HERPUD2: variants seen among roughly 807,000 people sequenced by gnomAD.
HERPUD2 encodes HERPUD family member 2.
HERPUD2 carries 13 observed loss-of-function variants against 49.9 expected under a neutral mutation model. That is an observed-to-expected ratio of 0.26 (90% CI 0.17 to 0.41). The LOEUF is 0.41. Among genes scored for constraint, HERPUD2 ranks in the 10% least tolerant of loss-of-function variants. The pLI is 1.00. For synonymous variants in HERPUD2, 172 were observed against 171.4 expected (o/e 1.00, Z -0.03); for missense variants, 449 against 492.2 (o/e 0.91, Z 0.83).
chr7:35,686,911 C>A (rs530133909), intron 2 of HERPUD2, among the ~76,000 whole-genome samples: 26 of 137,012 alleles, frequency 1.9e-4, no homozygotes, highest in Non-Finnish European at 6.1e-5. Flanking sequence ...ACTGAAAATA[C>A]AGAAAAATTA....
chr7:35,638,635 T>C (rs1784913422), intron 5 of HERPUD2, among the ~76,000 whole-genome samples, 163 bp from the exon 6 acceptor site: 1 of 152,188 alleles, frequency 6.6e-6, no homozygotes, highest in African/African-American at 2.4e-5. Context: ...AGACAATATG[T>C]CTTACATAAG....
chr7:35,686,682 G>A (rs1431822896), intron 2 of HERPUD2, among the ~76,000 whole-genome samples: 1 of 89,358 alleles, frequency 1.1e-5, no homozygotes, highest in African/African-American at 4.4e-5. Context: ...TCCCGCCACT[G>A]CACTCCAGCC....
At chr7:35,653,268 AG>A (rs1785203729) in intron 5 of HERPUD2, among the ~76,000 whole-genome samples, 1 of 152,256 alleles carries the variant, frequency 6.6e-6, no homozygotes, top group South Asian at 2.1e-4. Context: ...AAAGCAAACA[AG>A]AACATCTATC....
At chr7:35,674,917 A>G (rs1482749881) in intron 2 of HERPUD2, among the ~76,000 whole-genome samples, 2 of 152,126 alleles carry the variant, frequency 1.3e-5, no homozygotes, top group Non-Finnish European at 2.9e-5. Flanking sequence ...TATCCTTTGT[A>G]ATAATATCCT....
At chr7:35,647,019 T>C (rs1785066352) in intron 5 of HERPUD2, among the ~76,000 whole-genome samples, 2 of 152,060 alleles carry the variant, frequency 1.3e-5, no homozygotes, top group African/African-American at 4.8e-5. Flanking sequence ...CACAATTATA[T>C]ACTTGAAAGC....
chr7:35,651,111 C>A (rs1785157237), intron 5 of HERPUD2, among the ~76,000 whole-genome samples: 1 of 152,210 alleles, frequency 6.6e-6, no homozygotes, highest in Non-Finnish European at 1.5e-5. Context: ...TTGCAGTCAT[C>A]ACCAACACCA....
In HERPUD2 at chr7:35,694,509, G is replaced by A. The variant is rs1232098568; in HGVS notation, c.-179C>T. On this transcript the variant is annotated 5_prime_UTR_variant, in exon 2 of 9. Transcript: ENST00000311350. Reference sequence around the variant, plus strand: ...CCATTGCCGGTACCAAGGATGGACTGAGGTGGTGGCGACTGCGACGGTGGG... The same window carrying A: ...CCATTGCCGGTACCAAGGATGGACTAAGGTGGTGGCGACTGCGACGGTGGG... 11 of 648,128 alleles carry A rather than the reference G, an allele frequency of 1.7e-5. No homozygotes were observed. The highest frequency in any genetic ancestry group is 8.5e-5 in the Admixed American group (3 of 35,110). 40.1% of individuals were successfully genotyped at this position (648,128 alleles called of 1,614,324 possible).
intron 5 of HERPUD2, among the ~76,000 whole-genome samples, chr7:35,658,142 C>T (rs1208466982): frequency 2.0e-5 from 3 of 152,098 alleles, no homozygotes; most frequent in Admixed American, 6.5e-5. Flanking sequence ...AACACTATTT[C>T]ACCGTAAAAG....
chr7:35,639,673 T>G (rs984552857), intron 5 of HERPUD2, among the ~76,000 whole-genome samples: 1 of 152,130 alleles, frequency 6.6e-6, no homozygotes, highest in African/African-American at 2.4e-5. Flanking sequence ...CTATCCAGAG[T>G]GAGACAAGAA....
In HERPUD2 at chr7:35,633,662, C is replaced by G; in HGVS notation, c.*28G>C. On this transcript the variant is annotated 3_prime_UTR_variant, in exon 9 of 9. Coordinates refer to ENST00000311350, the MANE Select transcript of HERPUD2 (RefSeq NM_022373.5). ...TAAACCACTTTCCTGAAGTCAGACC[C>G]TCCTTGTAGCTGGCACAGTTTTTCA... is the stretch of plus-strand genomic sequence containing the variant. The G allele has an allele frequency of 6.2e-7, 1 of 1,601,182 alleles. No individual in the cohort carries two copies. The highest frequency in any genetic ancestry group is 1.1e-5 in the South Asian group (1 of 89,002).
chr7:35,679,378 C>A (rs1293581804), intron 2 of HERPUD2, among the ~76,000 whole-genome samples: 1 of 152,144 alleles, frequency 6.6e-6, no homozygotes, highest in African/African-American at 2.4e-5. Flanking sequence ...AATCCCTTAT[C>A]TCCAAGTCCT....
At position 35,694,485 on chromosome 7, in the gene HERPUD2, C is replaced by T; in HGVS notation, c.-155G>A. 2 of 736,112 alleles carry T rather than the reference C, an allele frequency of 2.7e-6. No individual in the cohort carries two copies. The highest frequency in any genetic ancestry group is 4.5e-6 in the Non-Finnish European group (2 of 449,240). 45.6% of individuals were successfully genotyped at this position (736,112 alleles called of 1,614,324 possible). On this transcript the variant is annotated 5_prime_UTR_variant, in exon 2 of 9. It removes an upstream start codon present in the reference 5' UTR. Transcript: ENST00000311350. Reference sequence around the variant, plus strand: ...CAAGTGCACTGGAGGATACGAAGCCCATTGCCGGTACCAAGGATGGACTGA... The same window carrying T: ...CAAGTGCACTGGAGGATACGAAGCCTATTGCCGGTACCAAGGATGGACTGA...
intron 5 of HERPUD2, among the ~76,000 whole-genome samples, chr7:35,665,632 T>G (rs965148614): frequency 9.2e-5 from 14 of 152,210 alleles, no homozygotes; most frequent in African/African-American, 3.4e-4. Context: ...CCCAGTGAGA[T>G]GAACCTGGTA....
intron 5 of HERPUD2, among the ~76,000 whole-genome samples, chr7:35,647,316 C>A (rs1340951106): frequency 6.6e-6 from 1 of 152,130 alleles, no homozygotes; most frequent in African/African-American, 2.4e-5. Context: ...CTCCTCCAAG[C>A]AGAGATAGTC....
chr7:35,694,186 G>T lies in HERPUD2; in HGVS notation c.145C>A (p.Pro49Thr). ...GCCCCCAGCTTTTACACACTTACTG[G>T]TTTGCTAGGGTAAACGTTAGATAGA... ...THLSNVYPSK[P>T]LTKDQRLVYS... Residue 49 changes from proline (P) to threonine (T), a missense_variant and splice_region_variant, in exon 2 of 9, where the codon CCA becomes ACA. Pro to Thr is a conservative substitution (Grantham distance 38). Coordinates refer to ENST00000311350, the MANE Select transcript of HERPUD2 (RefSeq NM_022373.5). The T allele has an allele frequency of 6.2e-7, 1 of 1,614,114 alleles. No individual in the cohort carries two copies. The highest frequency in any genetic ancestry group is 1.6e-4 in the Middle Eastern group (1 of 6,062).
intron 2 of HERPUD2, among the ~76,000 whole-genome samples, chr7:35,684,042 G>C (rs1162544760): frequency 6.6e-6 from 1 of 152,144 alleles, no homozygotes; most frequent in Non-Finnish European, 1.5e-5. Flanking sequence ...ATTTGATCCA[G>C]CAATCCCACT....
At chr7:35,687,042 A>G (rs935707991) in intron 2 of HERPUD2, among the ~76,000 whole-genome samples, 24 of 152,268 alleles carry the variant, frequency 1.6e-4, no homozygotes, top group African/African-American at 5.5e-4. Context: ...CCCAGACGAC[A>G]GTGCGAGACT....
At chr7:35,635,704 A>C (rs2115819735) in intron 6 of HERPUD2, among the ~76,000 whole-genome samples, 1 of 152,262 alleles carries the variant, frequency 6.6e-6, no homozygotes, top group South Asian at 2.1e-4. Flanking sequence ...GGGAAGGCAA[A>C]AGACGTGAGA....
chr7:35,678,916 A>G (rs1279733051), intron 2 of HERPUD2, among the ~76,000 whole-genome samples: 1 of 152,224 alleles, frequency 6.6e-6, no homozygotes, highest in Non-Finnish European at 1.5e-5. Flanking sequence ...ATATGCTGGA[A>G]AACTCAGTAT....
Sources: allele counts gnomAD v4.1 joint callset (sites outside exome capture counted in the v4.1 genomes callset), GRCh38; gene constraint gnomAD v4.1.1; transcripts MANE v1.5; gene names NCBI Gene and HGNC (gene_info 2026-07-23, HGNC 2026-07-21).